The following MVB12B variants were observed in gnomAD, a reference collection of about 807,000 sequenced individuals.
MVB12B encodes ESCRT-I complex subunit MVB12B.
Under a neutral mutation model 41.6 loss-of-function variants are expected in MVB12B, and 16 were observed. The ratio of observed to expected loss-of-function variants is 0.38; its 90% confidence interval spans 0.26 to 0.58. The LOEUF (loss-of-function observed/expected upper bound fraction) is 0.58, where lower values mean the gene tolerates loss of function less well. Ranked by LOEUF, MVB12B falls within the 20% of genes least tolerant of loss-of-function variation. The pLI is 0.62. For missense variants in MVB12B, 274 were observed against 380.2 expected, an observed-to-expected ratio of 0.72 and a Z score of 2.32; for synonymous variants, 133 against 139.7, an observed-to-expected ratio of 0.95 and a Z score of 0.34.
At chr9:126,336,715 C>G (rs190171955) in intron 1 of MVB12B, among the ~76,000 whole-genome samples, 1 of 151,506 alleles carries the variant, frequency 6.6e-6, no homozygotes, top group Non-Finnish European at 1.5e-5. Flanking sequence ...TTTCCCATTC[C>G]GTACACTTGT....
In MVB12B at chr9:126,406,325, T is replaced by G. The variant is rs540676671; in HGVS notation, c.662+10628T>G. 1.8e-4 allele frequency among the ~76,000 whole-genome samples: 28 copies of G among 152,352 alleles called. 1 individual carries two copies. In the South Asian group the frequency reaches 2.3e-3, roughly 12 times the overall value. On this transcript the variant is annotated intron_variant, in intron 6 of 9. Coordinates refer to ENST00000361171, the MANE Select transcript of MVB12B (RefSeq NM_033446.3). ...CCACATTCCACCTCCTCTTCAGTCA[T>G]GGCTGTATTTTGTTAAACAAATTGT...
At chr9:126,454,788 G>GTT (rs56075883) in intron 7 of MVB12B, among the ~76,000 whole-genome samples, 2 of 147,326 alleles carry the variant, frequency 1.4e-5, no homozygotes, top group African/African-American at 5.0e-5. Flanking sequence ...CCATAATTGA[G>GTT]TTTTTTTTTT....
chr9:126,440,837 A>G (rs1437970798), intron 7 of MVB12B, among the ~76,000 whole-genome samples: 1 of 152,250 alleles, frequency 6.6e-6, no homozygotes, highest in Non-Finnish European at 1.5e-5. Context: ...CCTGTAGGCT[A>G]ATGCAGGCAC....
chr9:126,375,842 A>G (rs1323636559), intron 2 of MVB12B, among the ~76,000 whole-genome samples: 1 of 152,234 alleles, frequency 6.6e-6, no homozygotes, highest in Admixed American at 6.5e-5. Context: ...TGTTGCAGTT[A>G]GGAAGTCTGA....
At position 126,375,458 on chromosome 9, in the gene MVB12B, C is replaced by A. The variant is rs896368088; in HGVS notation, c.205-5606C>A. On this transcript the variant is annotated intron_variant, in intron 2 of 9. Transcript: ENST00000361171. ...AGTTGTCACATGCCCATCCCTATTT[C>A]TTTCGAACGAGAAAGTACAGTTCTA... 9.1e-5 allele frequency among the ~76,000 whole-genome samples: 11 copies of A among 121,346 alleles called. No individual in the cohort carries two copies. The Admixed American group carries it at 1.0e-3, about 11-fold the overall frequency. The allele number at this position is 121,346 out of a possible 152,430, so 79.6% of individuals were successfully genotyped here. A position where few individuals can be genotyped will look rare whatever the true frequency, so the allele number is the denominator to read the frequency against.
chr9:126,366,057 C>T (rs1830172654), intron 2 of MVB12B, among the ~76,000 whole-genome samples: 2 of 152,234 alleles, frequency 1.3e-5, no homozygotes, highest in Middle Eastern at 3.4e-3. Flanking sequence ...CCTCATTGTG[C>T]TGTCAATCTC....
chr9:126,488,507 G>A, intron 9 of MVB12B, among the ~76,000 whole-genome samples: 1 of 152,192 alleles, frequency 6.6e-6, no homozygotes, highest in East Asian at 1.9e-4. Context: ...GGGGGAGGCT[G>A]CTCTGTGCTG....
chr9:126,453,939 T>C (rs921626134), intron 7 of MVB12B, among the ~76,000 whole-genome samples: 12 of 151,836 alleles, frequency 7.9e-5, no homozygotes, highest in African/African-American at 2.9e-4. Context: ...CAAAAGACAA[T>C]GAGAGAGGCA....
At chr9:126,448,967 T>C (rs1218670947) in intron 7 of MVB12B, among the ~76,000 whole-genome samples, 1 of 152,190 alleles carries the variant, frequency 6.6e-6, no homozygotes, top group Non-Finnish European at 1.5e-5. Flanking sequence ...CTGATGATAC[T>C]CCAGGGGCCC....
chr9:126,329,598 G>A (rs1352664404), intron 1 of MVB12B, among the ~76,000 whole-genome samples: 1 of 152,190 alleles, frequency 6.6e-6, no homozygotes, highest in Non-Finnish European at 1.5e-5. Flanking sequence ...CTCCTGGGGG[G>A]ATCAGAATCC....
chr9:126,366,499 A>G (rs1465000472), intron 2 of MVB12B, among the ~76,000 whole-genome samples: 1 of 152,154 alleles, frequency 6.6e-6, no homozygotes, highest in Non-Finnish European at 1.5e-5. Flanking sequence ...TTTAGTTTGT[A>G]TGTGTGTGTG....
intron 6 of MVB12B, among the ~76,000 whole-genome samples, chr9:126,401,282 G>A (rs1331948917): frequency 6.6e-6 from 1 of 152,236 alleles, no homozygotes; most frequent in African/African-American, 2.4e-5. Flanking sequence ...CCAGGCCTGG[G>A]TTGCCCGTAG....
Position 126,486,851 on chromosome 9 carries a change from G to A in MVB12B, c.873+2819G>A, listed in dbSNP as rs1228460491. Among the ~76,000 whole-genome samples the A allele has an allele frequency of 3.9e-5, 6 of 152,174 alleles. No homozygotes were observed. The East Asian group carries it at 1.2e-3, about 29-fold the overall frequency. ...TGGCAGCTCTGTGTCCTTCCAAGGG[G>A]GCTCTCTAGGCTGGTGGCCAGTCAG... On this transcript the variant is annotated intron_variant, in intron 9 of 9. Coordinates refer to ENST00000361171, the MANE Select transcript of MVB12B (RefSeq NM_033446.3). This position sits in a 1 kb window ranked among gnomAD's most constrained non-coding sequence, Gnocchi z 4.7.
chr9:126,396,849 AG>A, intron 6 of MVB12B: 1 of 985,480 alleles, frequency 1.0e-6, no homozygotes, highest in Non-Finnish European at 1.2e-6. Context: ...TAAGCCTCCC[AG>A]AGTTGCAGGG....
intron 9 of MVB12B, among the ~76,000 whole-genome samples, chr9:126,502,667 C>T (rs1428489224): frequency 6.6e-6 from 1 of 152,200 alleles, no homozygotes; most frequent in Non-Finnish European, 1.5e-5. Flanking sequence ...GTGGAGGCCC[C>T]TCCCATGACC....
At chr9:126,424,105 C>T (rs1272260267) in intron 7 of MVB12B, among the ~76,000 whole-genome samples, 1 of 152,158 alleles carries the variant, frequency 6.6e-6, no homozygotes, top group Non-Finnish European at 1.5e-5. Flanking sequence ...TGAAGACATT[C>T]GATTACTGCT....
At position 126,486,206 on chromosome 9, in the gene MVB12B, G is replaced by A. The variant is rs190504816; in HGVS notation, c.873+2174G>A. ...TTTTTTCTTTTTTTGATAACTCAGG[G>A]AAAAAATGGCTGGCTGGGACATTAG... On this transcript the variant is annotated intron_variant, in intron 9 of 9. Transcript: ENST00000361171. The surrounding 1 kb of genome is among the most constrained non-coding windows in gnomAD (Gnocchi z 4.7). Among the ~76,000 whole-genome samples the A allele has an allele frequency of 1.1e-3, 162 of 151,944 alleles. 2 individuals are homozygous for A. The East Asian group carries it at 0.02, about 18-fold the overall frequency.
chr9:126,413,612 T>G (rs1364819827), intron 6 of MVB12B, among the ~76,000 whole-genome samples: 2 of 152,172 alleles, frequency 1.3e-5, no homozygotes, highest in Non-Finnish European at 1.5e-5. Flanking sequence ...GAAGGTGACA[T>G]GAGTAATCTT....
intron 9 of MVB12B, among the ~76,000 whole-genome samples, chr9:126,485,702 C>T (rs990398484): frequency 6.6e-6 from 1 of 152,122 alleles, no homozygotes; most frequent in Admixed American, 6.5e-5. Context: ...TTCCACTGTG[C>T]TTCATAAGCT....
Sources: allele counts gnomAD v4.1 joint callset (sites outside exome capture counted in the v4.1 genomes callset), GRCh38; gene constraint gnomAD v4.1.1; non-coding constraint Gnocchi (gnomAD v3.1); transcripts MANE v1.5; gene names NCBI Gene and HGNC (gene_info 2026-07-23, HGNC 2026-07-21).